DLG2: variants seen among roughly 807,000 people sequenced by gnomAD.
DLG2 encodes the protein discs large MAGUK scaffold protein 2.
Under a neutral mutation model 132.5 loss-of-function variants are expected in DLG2, and 45 were observed. The observed-to-expected ratio is 0.34, with a 90% CI of 0.27 to 0.44. DLG2 has a LOEUF of 0.44. DLG2 is among the 20% of genes least tolerant of loss of function. DLG2 has a pLI of 1.00. For missense variants in DLG2, 1,045 were observed against 1,196.9 expected (o/e 0.87, Z 1.87); for synonymous variants, 424 against 419.6 (o/e 1.01, Z -0.13).
chr11:85,509,565 T>G (rs753905275), intron 3 of DLG2, among the ~76,000 whole-genome samples: 4 of 152,066 alleles, frequency 2.6e-5, no homozygotes, highest in Non-Finnish European at 5.9e-5. Flanking sequence ...AAACACACGT[T>G]CTAGCTGTCT....
intron 6 of DLG2, among the ~76,000 whole-genome samples, chr11:84,963,076 T>G (rs565652487): frequency 6.6e-6 from 1 of 152,318 alleles, no homozygotes; most frequent in South Asian, 2.1e-4. Context: ...AGAAGAGCAT[T>G]GCAGGACCAA....
intron 6 of DLG2, among the ~76,000 whole-genome samples, chr11:85,091,934 T>C (rs1048118561): frequency 6.6e-6 from 1 of 152,220 alleles, no homozygotes; most frequent in African/African-American, 2.4e-5. Context: ...CAGTGAATCA[T>C]GAATGTTCTC....
chr11:84,611,281 A>C (rs2099595156), intron 6 of DLG2, among the ~76,000 whole-genome samples: 1 of 152,138 alleles, frequency 6.6e-6, no homozygotes, highest in African/African-American at 2.4e-5. Flanking sequence ...ATAAATGATG[A>C]GTGTTAAAGG....
At chr11:83,808,155 G>C (rs531208797) in intron 17 of DLG2, among the ~76,000 whole-genome samples, 1 of 152,226 alleles carries the variant, frequency 6.6e-6, no homozygotes, top group Non-Finnish European at 1.5e-5. Context: ...TGTAGTCTTG[G>C]TGTCTACAGG....
At chr11:84,602,106 C>A (rs114195832) in intron 6 of DLG2, among the ~76,000 whole-genome samples, 1,885 of 152,050 alleles carry the variant, frequency 0.012, 37 homozygotes, top group African/African-American at 0.044. Flanking sequence ...AGATGTCAGG[C>A]TCTGTGCTGG....
At chr11:83,636,873 GT>G (rs1566181186) in intron 18 of DLG2, among the ~76,000 whole-genome samples, 1 of 152,106 alleles carries the variant, frequency 6.6e-6, no homozygotes, top group Non-Finnish European at 1.5e-5. Flanking sequence ...AATCTATCCT[GT>G]TTTCATCTTT....
intron 6 of DLG2, among the ~76,000 whole-genome samples, chr11:84,890,308 C>T (rs1021672906): frequency 2.0e-5 from 3 of 152,120 alleles, no homozygotes; most frequent in Non-Finnish European, 4.4e-5. Flanking sequence ...AGAAAAAGTA[C>T]AAAAGGTCCA....
At chr11:84,581,154 C>CA (rs1273025512) in intron 6 of DLG2, among the ~76,000 whole-genome samples, 3 of 152,156 alleles carry the variant, frequency 2.0e-5, no homozygotes, top group Non-Finnish European at 4.4e-5. Flanking sequence ...TGAAGAACCA[C>CA]ATAGGCAAAC....
chr11:84,662,333 TGCCC>T (rs1290658246), intron 6 of DLG2, among the ~76,000 whole-genome samples: 1 of 151,258 alleles, frequency 6.6e-6, no homozygotes, highest in Admixed American at 6.6e-5. Flanking sequence ...CATGCCACCA[TGCCC>T]AGCTAATGTT....
chr11:83,512,630 A>C (rs1293180007), intron 21 of DLG2, among the ~76,000 whole-genome samples: 5 of 151,902 alleles, frequency 3.3e-5, no homozygotes, highest in Non-Finnish European at 7.4e-5. Flanking sequence ...GTGCTGGACC[A>C]ATTAACTCGT....
intron 3 of DLG2, among the ~76,000 whole-genome samples, chr11:85,506,990 T>C (rs1340425152): frequency 6.6e-6 from 1 of 152,216 alleles, no homozygotes; most frequent in Non-Finnish European, 1.5e-5. Context: ...TCTCTTTTGA[T>C]CTTTGTTGGT....
intron 2 of DLG2, among the ~76,000 whole-genome samples, chr11:85,616,703 AT>A (rs1477281557): frequency 6.6e-6 from 1 of 152,180 alleles, no homozygotes; most frequent in Non-Finnish European, 1.5e-5. Flanking sequence ...GTAGAAAAAA[AT>A]TTTCCCAGCT....
intron 7 of DLG2, among the ~76,000 whole-genome samples, chr11:84,402,929 C>T (rs2098835747): frequency 7.0e-6 from 1 of 141,948 alleles, no homozygotes; most frequent in African/African-American, 2.8e-5. Flanking sequence ...ATGTATCTTA[C>T]ATGTTGTATT....
chr11:85,548,247 C>G (rs912388392), intron 3 of DLG2, among the ~76,000 whole-genome samples: 16 of 152,200 alleles, frequency 1.1e-4, no homozygotes, highest in Admixed American at 1.3e-4. Context: ...TCAGGCCCCT[C>G]TGCTGCAAGT....
chr11:84,059,556 T>A (rs1402996476), intron 10 of DLG2, 72 bp from the exon 11 acceptor site: 1 of 1,188,450 alleles, frequency 8.4e-7, no homozygotes, highest in Non-Finnish European at 1.1e-6. Context: ...ATTATGTTTA[T>A]CTGACCTTAA....
chr11:85,158,269 C>A (rs770272708), intron 4 of DLG2, among the ~76,000 whole-genome samples: 2 of 152,118 alleles, frequency 1.3e-5, no homozygotes, highest in Admixed American at 6.5e-5. Flanking sequence ...ATTGATCCGG[C>A]CCCACTAAGT....
chr11:83,802,780 AGTTT>A (rs1252775454), intron 17 of DLG2, among the ~76,000 whole-genome samples: 3 of 152,252 alleles, frequency 2.0e-5, no homozygotes, highest in African/African-American at 7.2e-5. Flanking sequence ...ATGTGTATCT[AGTTT>A]GTTTGTTTCA....
At chr11:84,875,655 A>G (rs1009522967) in intron 6 of DLG2, among the ~76,000 whole-genome samples, 1 of 152,162 alleles carries the variant, frequency 6.6e-6, no homozygotes, top group Admixed American at 6.5e-5. Context: ...GAAGATAGCA[A>G]TATTTTTCAT....
At chr11:84,520,665 A>G (rs897429690) in intron 7 of DLG2, among the ~76,000 whole-genome samples, 4 of 152,060 alleles carry the variant, frequency 2.6e-5, no homozygotes, top group Non-Finnish European at 5.9e-5. Flanking sequence ...TGACCATTCT[A>G]GAAAGTGGGA....
Sources: allele counts gnomAD v4.1 joint callset (sites outside exome capture counted in the v4.1 genomes callset), GRCh38; gene constraint gnomAD v4.1.1; transcripts MANE v1.5; gene names NCBI Gene and HGNC (gene_info 2026-07-23, HGNC 2026-07-21).